The following MMP26 variants were observed in gnomAD, a reference collection of about 807,000 sequenced individuals.
MMP26 encodes the protein matrix metalloproteinase-26.
MMP26 carries 33 observed loss-of-function variants against 31.0 expected under a neutral mutation model. The ratio of observed to expected loss-of-function variants is 1.06; its 90% CI spans 0.81 to 1.42. The LOEUF (loss-of-function observed/expected upper bound fraction) is 1.42. MMP26 is among the 40% of genes most tolerant of loss of function. The pLI is 0.00. For missense variants in MMP26, 347 were observed against 316.1 expected (o/e 1.10, Z -0.74); for synonymous variants, 122 against 114.9 (o/e 1.06, Z -0.40).
chr11:4,769,751 CT>C (rs1848689457), intron 2 of MMP26: 2 of 1,613,840 alleles, frequency 1.2e-6, no homozygotes, highest in Admixed American at 3.3e-5. Flanking sequence ...TTCATGGAGA[CT>C]CTGCTGGGTA....
chr11:4,721,091 A>G (rs1328076598), intron 1 of MMP26, among the ~76,000 whole-genome samples: 1 of 152,202 alleles, frequency 6.6e-6, no homozygotes, highest in Non-Finnish European at 1.5e-5. Flanking sequence ...GGACCATAGC[A>G]GGGAACCAAA....
chr11:4,707,638 T>G (rs1313843312), intron 1 of MMP26, among the ~76,000 whole-genome samples: 1 of 152,240 alleles, frequency 6.6e-6, no homozygotes, highest in East Asian at 1.9e-4. Context: ...AATATCAGAT[T>G]ATTGAGAAAA....
chr11:4,875,763 T>C (rs946737464), intron 2 of MMP26: 5 of 152,164 alleles, frequency 3.3e-5, no homozygotes, highest in Non-Finnish European at 7.3e-5. Flanking sequence ...CCTTTTGACA[T>C]GCAAAGTAGC....
intron 2 of MMP26, among the ~76,000 whole-genome samples, chr11:4,884,866 A>T (rs1238888140): frequency 6.6e-6 from 1 of 152,104 alleles, no homozygotes; most frequent in East Asian, 1.9e-4. Flanking sequence ...TATTTCACTC[A>T]TTTCCCTTCA....
chr11:4,970,037 TACATA>T (rs1384131477), intron 2 of MMP26, among the ~76,000 whole-genome samples: 1 of 152,204 alleles, frequency 6.6e-6, no homozygotes, highest in Admixed American at 6.5e-5. Flanking sequence ...ATATTGCATC[TACATA>T]ACATGTTTAC....
chr11:4,869,690 C>T (rs1297736958), intron 2 of MMP26, among the ~76,000 whole-genome samples: 1 of 152,126 alleles, frequency 6.6e-6, no homozygotes, highest in Non-Finnish European at 1.5e-5. Context: ...ACTAGAAATA[C>T]CATTTGACCC....
chr11:4,908,368 G>T (rs1850939214), intron 2 of MMP26: 2 of 1,394,402 alleles, frequency 1.4e-6, no homozygotes, highest in African/African-American at 2.8e-5. Context: ...CATTTGCTAT[G>T]TGCTTAATGC....
intron 2 of MMP26, among the ~76,000 whole-genome samples, chr11:4,910,990 T>TA (rs1231787368): frequency 2.0e-5 from 3 of 152,124 alleles, no homozygotes; most frequent in East Asian, 3.9e-4. Flanking sequence ...AGGCCTAAAG[T>TA]AAAAACTGTA....
intron 1 of MMP26, among the ~76,000 whole-genome samples, chr11:4,758,855 T>C (rs1848536986): frequency 6.6e-6 from 1 of 152,052 alleles, no homozygotes; most frequent in Non-Finnish European, 1.5e-5. Context: ...CTCACACCTG[T>C]AATCCCAGCA....
At chr11:4,781,553 C>CAAAAAA (rs780005906) in intron 2 of MMP26, among the ~76,000 whole-genome samples, 1 of 15,192 alleles carries the variant, frequency 6.6e-5, no homozygotes, top group Non-Finnish European at 9.4e-5. Flanking sequence ...GACTCCGTCT[C>CAAAAAA]AAAAAAAAAA....
In MMP26 at chr11:4,914,840, T is replaced by A. The variant is rs778811960; in HGVS notation, c.-144-73228T>A. The A allele has an allele frequency of 3.7e-6, 6 of 1,613,710 alleles. No homozygotes were observed. The highest frequency in any genetic ancestry group is 5.1e-6 in the Non-Finnish European group (6 of 1,179,912). The stretch of plus-strand genomic sequence containing the variant: ...GAAACCCATGACCACCTGGACCAGG[T>A]GGGGTGCCTGCTTTCCAAAGCGATG... On this transcript the variant is annotated intron_variant, in intron 2 of 7. Transcript: ENST00000380390.
intron 2 of MMP26, among the ~76,000 whole-genome samples, chr11:4,816,118 T>C (rs967072805): frequency 6.6e-6 from 1 of 152,218 alleles, no homozygotes; most frequent in Non-Finnish European, 1.5e-5. Context: ...CTGTTGATTT[T>C]TTATCAACCT....
At chr11:4,957,627 A>AACAGGG (rs1846461955) in intron 2 of MMP26, among the ~76,000 whole-genome samples, 1 of 151,898 alleles carries the variant, frequency 6.6e-6, no homozygotes, top group South Asian at 2.1e-4. Flanking sequence ...CACATTTGTT[A>AACAGGG]TTCTGGTTGC....
chr11:4,803,904 C>T (rs769775553), intron 2 of MMP26: 5 of 1,612,978 alleles, frequency 3.1e-6, no homozygotes, highest in African/African-American at 1.3e-5. Flanking sequence ...AGAAGGGGCT[C>T]ACCCACAGCA....
intron 1 of MMP26, chr11:4,723,675 C>T: frequency 4.5e-6 from 4 of 884,234 alleles, no homozygotes; most frequent in Non-Finnish European, 7.7e-6. Context: ...TCTCCATCAG[C>T]CCTTGCATGT....
At chr11:4,763,037 TA>T (rs1331673365) in intron 1 of MMP26, among the ~76,000 whole-genome samples, 1 of 152,220 alleles carries the variant, frequency 6.6e-6, no homozygotes, top group Non-Finnish European at 1.5e-5. Context: ...ATTAAGCCTA[TA>T]TTAAACAATA....
rs765093706 is a variant in MMP26, at chr11:4,882,854, G to C, written c.-144-105214G>C. The C allele has an allele frequency of 3.9e-5, 63 of 1,613,500 alleles. No individual in the cohort carries two copies. The highest frequency in any genetic ancestry group is 4.2e-5 in the Non-Finnish European group (49 of 1,179,754). On this transcript the variant is annotated intron_variant, in intron 2 of 7. Transcript: ENST00000380390. Reference sequence around the variant, plus strand: ...ATCCAAGGGTTCATGGGGTTTTAATGTGAGGGGTCTTAGGGGAAGATGGGA... The same window carrying C: ...ATCCAAGGGTTCATGGGGTTTTAATCTGAGGGGTCTTAGGGGAAGATGGGA...
At chr11:4,822,362 C>A in intron 2 of MMP26, 1 of 1,475,282 alleles carries the variant, frequency 6.8e-7, no homozygotes, top group Admixed American at 2.5e-5. Context: ...CAGAAGCACT[C>A]CAAATCTAAT....
At chr11:4,955,759 C>A in intron 2 of MMP26, 1 of 1,534,094 alleles carries the variant, frequency 6.5e-7, no homozygotes, top group African/African-American at 1.4e-5. Context: ...ATACACCTGA[C>A]CTCAGGTGAT....
Sources: allele counts gnomAD v4.1 joint callset (sites outside exome capture counted in the v4.1 genomes callset), GRCh38; gene constraint gnomAD v4.1.1; transcripts MANE v1.5; gene names NCBI Gene and HGNC (gene_info 2026-07-23, HGNC 2026-07-21).